The following FAM193A variants were observed in gnomAD, a reference collection of about 807,000 sequenced individuals.
The protein encoded by FAM193A is protein FAM193A.
FAM193A carries 22 observed loss-of-function variants against 126.5 expected under a neutral mutation model. The ratio of observed to expected loss-of-function variants is 0.17; its 90% CI spans 0.12 to 0.25. FAM193A has a LOEUF of 0.25. FAM193A is among the 10% of genes least tolerant of loss of function. The pLI is 1.00. For synonymous variants in FAM193A, 761 were observed against 646.8 expected, an observed-to-expected ratio of 1.18 and a Z score of -2.68; for missense variants, 1,675 against 1,672.8, an observed-to-expected ratio of 1.00 and a Z score of -0.02.
chr4:2,538,325 T>G (rs1737013500), intron 1 of FAM193A, among the ~76,000 whole-genome samples: 1 of 151,694 alleles, frequency 6.6e-6, no homozygotes, highest in South Asian at 2.1e-4. Flanking sequence ...CCTCAGCCTC[T>G]CGAGTAGCTG....
At chr4:2,700,608 A>G (rs907268801) in intron 19 of FAM193A, 64 bp downstream of exon 19, 9 of 1,547,768 alleles carry the variant, frequency 5.8e-6, no homozygotes, top group African/African-American at 4.1e-5. Context: ...GTGATGTGCT[A>G]GTATAGGAAA....
At chr4:2,662,785 C>T (rs1056035342) in intron 10 of FAM193A, 53 bp from the exon 11 acceptor site, 2 of 1,455,554 alleles carry the variant, frequency 1.4e-6, no homozygotes, top group Non-Finnish European at 1.9e-6. Flanking sequence ...CTGGTTTACT[C>T]ATTGTCTTTC....
rs1553907903 is a variant in FAM193A, at chr4:2,678,359, G to GT, written c.2331+5987_2331+5988insT. ...GTTGGTGTTTTGTTTTGGTTTTGGT[G>GT]GTTTTTTTTTTTTTTTTTTTTGAGA... is the stretch of plus-strand genomic sequence containing the variant. On this transcript the variant is annotated intron_variant, in intron 13 of 20. Coordinates refer to ENST00000637812, the MANE Select transcript of FAM193A (RefSeq NM_001366318.2). 4.1e-4 allele frequency among the ~76,000 whole-genome samples: 58 copies of GT among 141,730 alleles called. 1 individual carries two copies. Among genetic ancestry groups the GT allele is most frequent in the Non-Finnish European group, 6.4e-4 (42 of 65,268 alleles). The allele number at this position is 141,730 out of a possible 152,430, so 93.0% of individuals were successfully genotyped here.
rs919371172 is a variant in FAM193A, at chr4:2,601,316, T to A, written c.501+4987T>A. On this transcript the variant is annotated intron_variant, in intron 2 of 20. Transcript: ENST00000637812. ...GGTGCGATCTCAGCTTACTGCAACC[T>A]CTGCCTCCCGGGTTCAAGCGATTCT... is the stretch of plus-strand genomic sequence containing the variant. 2.8e-5 allele frequency among the ~76,000 whole-genome samples: 4 copies of A among 141,588 alleles called. No individual in the cohort carries two copies. The Admixed American group carries it at 3.0e-4, about 11-fold the overall frequency. The allele number at this position is 141,588 out of a possible 152,430, so 92.9% of individuals were successfully genotyped here.
At chr4:2,603,723 T>A (rs1741361278) in intron 2 of FAM193A, among the ~76,000 whole-genome samples, 1 of 152,072 alleles carries the variant, frequency 6.6e-6, no homozygotes, top group Non-Finnish European at 1.5e-5. Context: ...CCTCCCAAAG[T>A]ACAGGTGTGA....
chr4:2,731,216 A>AC (rs1560631411), intron 20 of FAM193A, among the ~76,000 whole-genome samples: 4 of 126,362 alleles, frequency 3.2e-5, no homozygotes, highest in African/African-American at 8.1e-5. Context: ...AAAAAAAAAA[A>AC]AAAAAAAACC....
At chr4:2,650,167 A>C (rs1745523721) in intron 7 of FAM193A, among the ~76,000 whole-genome samples, 1 of 152,198 alleles carries the variant, frequency 6.6e-6, no homozygotes, top group Non-Finnish European at 1.5e-5. Flanking sequence ...TAATAGAAAC[A>C]AAGTGCACAA....
At chr4:2,581,143 A>AC (rs760833921) in intron 1 of FAM193A, among the ~76,000 whole-genome samples, 10,608 of 149,436 alleles carry the variant, frequency 0.071, 657 homozygotes, top group African/African-American at 0.17. Flanking sequence ...AACAACAACA[A>AC]AAAAAAAACC....
intron 12 of FAM193A, among the ~76,000 whole-genome samples, chr4:2,669,176 G>C (rs1713504436): frequency 6.6e-6 from 1 of 152,126 alleles, no homozygotes; most frequent in South Asian, 2.1e-4. Context: ...TTGCTAGCTG[G>C]CTAGTCATTT....
At chr4:2,632,544 C>T (rs1183754049) in intron 5 of FAM193A, among the ~76,000 whole-genome samples, 1 of 152,042 alleles carries the variant, frequency 6.6e-6, no homozygotes, top group Non-Finnish European at 1.5e-5. Flanking sequence ...GAGATCCTAT[C>T]TCAAAAAGAA....
intron 6 of FAM193A, among the ~76,000 whole-genome samples, chr4:2,640,699 C>T (rs1744527048): frequency 6.6e-6 from 1 of 152,302 alleles, no homozygotes; most frequent in Non-Finnish European, 1.5e-5. Context: ...TGTGGTGGCT[C>T]ACGCCTGTAA....
At chr4:2,546,971 A>T (rs777043933) in intron 1 of FAM193A, among the ~76,000 whole-genome samples, 4 of 152,084 alleles carry the variant, frequency 2.6e-5, no homozygotes, top group African/African-American at 9.7e-5. Context: ...TTTAGTAGAG[A>T]TGGGGTTTTG....
chr4:2,563,687 A>G (rs536542060), intron 1 of FAM193A, among the ~76,000 whole-genome samples: 8 of 152,332 alleles, frequency 5.3e-5, no homozygotes, highest in African/African-American at 1.7e-4. Context: ...GCCATGTATG[A>G]AGTTTAAAAA....
intron 7 of FAM193A, among the ~76,000 whole-genome samples, chr4:2,647,672 G>A (rs987708936): frequency 3.9e-5 from 6 of 152,128 alleles, no homozygotes; most frequent in Non-Finnish European, 7.4e-5. Flanking sequence ...TTGAGACGGC[G>A]CCCCCTCCCC....
chr4:2,536,433 AC>A (rs1377528729), upstream of FAM193A, among the ~76,000 whole-genome samples: 1 of 150,784 alleles, frequency 6.6e-6, no homozygotes, highest in Non-Finnish European at 1.5e-5. Flanking sequence ...ATCGTGGTCC[AC>A]CCCCGGGTAC....
chr4:2,689,077 G>T (rs1239110343), intron 13 of FAM193A, among the ~76,000 whole-genome samples: 1 of 152,254 alleles, frequency 6.6e-6, no homozygotes, highest in Non-Finnish European at 1.5e-5. Context: ...CCTTGCCTGG[G>T]TATAAGAGGT....
intron 1 of FAM193A, among the ~76,000 whole-genome samples, chr4:2,541,510 A>G (rs1737231781): frequency 7.1e-6 from 1 of 140,622 alleles, no homozygotes; most frequent in South Asian, 2.2e-4. Context: ...CAGTGGCGTG[A>G]TCTTGACTCA....
At chr4:2,583,253 C>T (rs911145412) in intron 1 of FAM193A, among the ~76,000 whole-genome samples, 2 of 152,214 alleles carry the variant, frequency 1.3e-5, no homozygotes, top group Non-Finnish European at 1.5e-5. Flanking sequence ...GGATCATAGG[C>T]GTGAGCCACT....
At chr4:2,563,146 T>C (rs1226607987) in intron 1 of FAM193A, among the ~76,000 whole-genome samples, 2 of 151,826 alleles carry the variant, frequency 1.3e-5, no homozygotes, top group Non-Finnish European at 2.9e-5. Context: ...GGTTTCACCA[T>C]GTTGGCCAGG....
Sources: gnomAD v4.1 joint callset for allele counts (sites outside exome capture counted in the v4.1 genomes callset) on GRCh38, gnomAD v4.1.1 for gene constraint, MANE v1.5 for transcripts, NCBI Gene and HGNC (gene_info 2026-07-23, HGNC 2026-07-21) for gene names.